Variants in OTP observed in about 807,000 individuals in gnomAD.
The protein encoded by OTP is homeobox protein orthopedia.
OTP carries 5 observed loss-of-function variants against 22.3 expected under a neutral mutation model. The ratio of observed to expected loss-of-function variants is 0.22; its 90% confidence interval spans 0.12 to 0.47. The LOEUF (loss-of-function observed/expected upper bound fraction) is 0.47. OTP is among the 20% of genes least tolerant of loss of function. OTP has a pLI of 0.99. For missense variants in OTP, 428 were observed against 456.2 expected (o/e 0.94, Z 0.56); for synonymous variants, 229 against 210.6 (o/e 1.09, Z -0.76).
chr5:77,637,981 A>AG lies in OTP; in HGVS notation c.37+531dup, dbSNP rs529351906. On this transcript the variant is annotated intron_variant, in intron 1 of 2. Coordinates refer to ENST00000306422, the MANE Select transcript of OTP (RefSeq NM_032109.3). The stretch of plus-strand genomic sequence containing the variant: ...GGCAACGCTGAGTCCCTTGCAGAAG[A>AG]GGGGGGGATGACTGTGAGGTTGAAT... 2.6e-4 allele frequency among the ~76,000 whole-genome samples: 39 copies of AG among 152,074 alleles called. 1 individual carries two copies. Among genetic ancestry groups the AG allele is most frequent in the Admixed American group, 2.2e-3 (34 of 15,276 alleles).
At position 77,638,602 on chromosome 5, in the gene OTP, A is replaced by G; in HGVS notation, c.-53T>C. 4.0e-6 allele frequency: 6 copies of G among 1,491,646 alleles called. No individual in the cohort carries two copies. Among genetic ancestry groups the G allele is most frequent in the African/African-American group, 1.4e-5 (1 of 70,178 alleles). 92.4% of individuals were successfully genotyped at this position (1,491,646 alleles called of 1,614,324 possible). ...TCCCCCCCAAATTTTAGCGGCTTTA[A>G]GTTATTTAAAATAGATATAAGCTAT... On this transcript the variant is annotated 5_prime_UTR_variant, in exon 1 of 3. Coordinates refer to ENST00000306422, the MANE Select transcript of OTP (RefSeq NM_032109.3).
At chr5:77,638,229 CA>C (rs1745039503) in intron 1 of OTP, among the ~76,000 whole-genome samples, 1 of 128,740 alleles carries the variant, frequency 7.8e-6, no homozygotes, top group African/African-American at 3.1e-5. Flanking sequence ...AACAAATTAT[CA>C]CGGGGTATAT....
Position 77,630,290 on chromosome 5 carries a change from G to T in OTP, c.952C>A (p.His318Asn). 1 of 1,560,602 alleles carries T rather than the reference G, an allele frequency of 6.4e-7. No homozygotes were observed. ...IASLRRKALE[H>N]TVSMSFT is the part of the protein sequence containing the mutation. ...TAAGTGAAGCTCATAGAGACTGTGT[G>T]CTCTAGCGCCTTGCGGCGGAGGGAG... Residue 318 changes from histidine to asparagine, a missense_variant, in exon 3 of 3, where the codon CAC (histidine) becomes AAC (asparagine). His to Asn is a moderately conservative substitution (Grantham distance 68). Transcript: ENST00000306422.
intron 1 of OTP, 74 bp from the exon 2 acceptor site, chr5:77,637,304 T>G: frequency 7.0e-7 from 1 of 1,435,660 alleles, no homozygotes. Context: ...CGCGCAGCCT[T>G]CCTTCAACCC....
At chr5:77,633,950 G>A (rs1276385461) in intron 2 of OTP, among the ~76,000 whole-genome samples, 1 of 152,200 alleles carries the variant, frequency 6.6e-6, no homozygotes, top group Admixed American at 6.5e-5. Context: ...TAATAGTGCT[G>A]GGAGAGGAAG....
chr5:77,637,563 C>G (rs1346539085), intron 1 of OTP, among the ~76,000 whole-genome samples: 2 of 152,170 alleles, frequency 1.3e-5, no homozygotes, highest in Non-Finnish European at 2.9e-5. Flanking sequence ...CCCAGGAAAT[C>G]GAGAGCAAAT....
intron 2 of OTP, among the ~76,000 whole-genome samples, chr5:77,634,025 T>C (rs1438194166): frequency 6.6e-6 from 1 of 152,234 alleles, no homozygotes; most frequent in Non-Finnish European, 1.5e-5. Context: ...CCTATTAAGA[T>C]GTGGCAGGTG....
intron 2 of OTP, among the ~76,000 whole-genome samples, chr5:77,632,681 C>T (rs1362742117): frequency 6.6e-6 from 1 of 152,176 alleles, no homozygotes; most frequent in Non-Finnish European, 1.5e-5. Context: ...CCTGCGCCGT[C>T]GCCTACCACT....
intron 2 of OTP, among the ~76,000 whole-genome samples, chr5:77,631,757 G>T (rs1561245710): frequency 6.6e-6 from 1 of 151,622 alleles, no homozygotes. Flanking sequence ...TGGAGACGGG[G>T]TTTCACCATG....
At chr5:77,637,355 A>C in intron 1 of OTP, 125 bp from the exon 2 acceptor site, 1 of 1,148,366 alleles carries the variant, frequency 8.7e-7, no homozygotes, top group Non-Finnish European at 1.2e-6. Flanking sequence ...CCTAAGGAAG[A>C]AACTCCCAGG....
Position 77,631,551 on chromosome 5 carries a change from C to CTTTTTTTT in OTP, c.448-765_448-758dup, listed in dbSNP as rs70988699. Among the ~76,000 whole-genome samples, 91 of 74,228 alleles carry CTTTTTTTT rather than the reference C, an allele frequency of 1.2e-3. 1 individual carries two copies. The highest frequency in any genetic ancestry group is 1.8e-3 in the Non-Finnish European group (74 of 41,610). The allele number at this position is 74,228 out of a possible 152,430, so 48.7% of individuals were successfully genotyped here. ...TGCCCCAAGAGCCTTCAACCCTATT[C>CTTTTTTTT]TTTTTTTTTTTTTTTTTTTTTTTTT... is the stretch of plus-strand genomic sequence containing the variant. On this transcript the variant is annotated intron_variant, in intron 2 of 2. Coordinates refer to ENST00000306422, the MANE Select transcript of OTP (RefSeq NM_032109.3).
In OTP at chr5:77,630,649, C is replaced by T. The variant is rs1561245300; in HGVS notation, c.593G>A (p.Ser198Asn). The T allele has an allele frequency of 6.3e-7, 1 of 1,575,256 alleles. No individual in the cohort carries two copies. The highest frequency in any genetic ancestry group is 8.6e-7 in the Non-Finnish European group (1 of 1,168,248). The change falls in exon 3 of 3, where the codon AGC becomes AAC. Residue 198 changes from serine (S) to asparagine (N), a missense_variant. Around this residue, in one of 3 missense-constraint regions of OTP, gnomAD observed 236 missense variants for 238.1 expected, o/e 0.99. Coordinates refer to ENST00000306422, the MANE Select transcript of OTP (RefSeq NM_032109.3). ...GTCGTTGGCGTGGAAAGAGCACAGG[C>T]TGTCGCCCATGGCGGCGGCAGCGGC... ...AAAAAAAMGD[S>N]LCSFHANDTR...
Position 77,630,328 on chromosome 5 carries a change from C to A in OTP, c.914G>T (p.Gly305Val). The A allele has an allele frequency of 6.4e-7, 1 of 1,566,782 alleles. No homozygotes were observed. The highest frequency in any genetic ancestry group is 8.6e-7 in the Non-Finnish European group (1 of 1,159,772). Residue 305 changes from glycine (G) to valine (V), a missense_variant, in exon 3 of 3, where the codon GGC becomes GTC. Transcript: ENST00000306422. Reference sequence around the variant, plus strand: ...GCGGCGGAGGGAGGCGATGCTGGTGCCCCGCCACACGTCGCTGCTGTCCGG... The same window carrying A: ...GCGGCGGAGGGAGGCGATGCTGGTGACCCGCCACACGTCGCTGCTGTCCGG... ...SSPDSSDVWR[G>V]TSIASLRRKA...
At chr5:77,636,794 C>G in intron 2 of OTP, 27 bp downstream of exon 2, 1 of 1,587,600 alleles carries the variant, frequency 6.3e-7, no homozygotes, top group Non-Finnish European at 8.6e-7. Flanking sequence ...TCCTTGCCTT[C>G]TGTCCCAGAT....
At position 77,636,892 on chromosome 5, in the gene OTP, T is replaced by A; in HGVS notation, c.376A>T (p.Thr126Ser). The A allele has an allele frequency of 6.2e-7, 1 of 1,613,976 alleles. No homozygotes were observed. Among genetic ancestry groups the A allele is most frequent in the Non-Finnish European group, 8.5e-7 (1 of 1,179,952 alleles). Residue 126 changes from threonine (T) to serine (S), a missense_variant, in exon 2 of 3, where the codon ACT (threonine) becomes TCT (serine). This residue lies in a region of OTP where 16 missense variants were observed against 55.2 expected (regional missense o/e 0.29). Coordinates refer to ENST00000306422, the MANE Select transcript of OTP (RefSeq NM_032109.3). ...CGCATAAAGATGTCGGGGTAGTGAG[T>A]CTTGGCGAAGCTCCTCTCCAACTCG... Reference protein sequence around the residue: ...LNELERSFAKTHYPDIFMREE... With the variant: ...LNELERSFAKSHYPDIFMREE...
At chr5:77,635,715 AG>A (rs1744996093) in intron 2 of OTP, among the ~76,000 whole-genome samples, 1 of 152,224 alleles carries the variant, frequency 6.6e-6, no homozygotes, top group African/African-American at 2.4e-5. Context: ...AAAAGTAGGT[AG>A]CACTGGTTTA....
chr5:77,638,510 C>A lies in OTP; in HGVS notation c.37+3G>T. On this transcript the variant is annotated splice_donor_region_variant and intron_variant, in intron 1 of 2. Transcript: ENST00000306422. ...GCTGCCCGGGCGAGAGGCGCGCACTCACCTAGCCTGGCGTCCAGGAGGTCG... is the reference window on the plus strand; with the variant it reads ...GCTGCCCGGGCGAGAGGCGCGCACTAACCTAGCCTGGCGTCCAGGAGGTCG... The A allele has an allele frequency of 6.4e-7, 1 of 1,573,746 alleles. No homozygotes were observed.
At chr5:77,633,799 G>A (rs1179204802) in intron 2 of OTP, among the ~76,000 whole-genome samples, 1 of 152,162 alleles carries the variant, frequency 6.6e-6, no homozygotes, top group Non-Finnish European at 1.5e-5. Flanking sequence ...TGAAGCAAAT[G>A]CTTTATGAAG....
Position 77,629,297 on chromosome 5 carries a change from A to C in OTP, c.*967T>G, listed in dbSNP as rs1469461444. On this transcript the variant is annotated 3_prime_UTR_variant, in exon 3 of 3. Transcript: ENST00000306422. Reference sequence around the variant, plus strand: ...CTCTTCCTCGTCACATGACTGCTTTAGTCTACTCCAGCCACCCAATCCACT... The same window carrying C: ...CTCTTCCTCGTCACATGACTGCTTTCGTCTACTCCAGCCACCCAATCCACT... The C allele has an allele frequency of 6.6e-6, 1 of 152,296 alleles. No individual in the cohort carries two copies. Among genetic ancestry groups the C allele is most frequent in the Non-Finnish European group, 1.5e-5 (1 of 68,068 alleles). 9.4% of individuals were successfully genotyped at this position (152,296 alleles called of 1,614,324 possible). A position where few individuals can be genotyped will look rare whatever the true frequency, so the allele number is the denominator to read the frequency against.
Sources: allele counts gnomAD v4.1 joint callset (sites outside exome capture counted in the v4.1 genomes callset), GRCh38; gene constraint gnomAD v4.1.1; regional missense constraint gnomAD v4.1.1; transcripts MANE v1.5; gene names NCBI Gene and HGNC (gene_info 2026-07-23, HGNC 2026-07-21).